The following RTN4RL2 variants were observed in gnomAD, a reference collection of about 807,000 sequenced individuals.
RTN4RL2 encodes reticulon-4 receptor-like 2.
RTN4RL2 carries 9 observed loss-of-function variants against 27.8 expected under a neutral mutation model. The observed-to-expected ratio is 0.32, with a 90% CI of 0.20 to 0.57. The LOEUF (loss-of-function observed/expected upper bound fraction) is 0.57, where lower values mean the gene tolerates loss of function less well. Among genes scored for constraint, RTN4RL2 ranks in the 20% least tolerant of loss-of-function variants. RTN4RL2 has a pLI of 0.90. For missense variants in RTN4RL2, 436 were observed against 596.8 expected, an observed-to-expected ratio of 0.73 and a Z score of 2.81; for synonymous variants, 285 against 297.9, an observed-to-expected ratio of 0.96 and a Z score of 0.45.
At chr11:57,468,545 A>T in intron 2 of RTN4RL2, 1 of 1,535,900 alleles carries the variant, frequency 6.5e-7, no homozygotes, top group South Asian at 1.2e-5. Flanking sequence ...CCTTCAGGGC[A>T]CTCTGCCTTC....
At chr11:57,468,328 C>T (rs1943541257) in intron 2 of RTN4RL2, among the ~76,000 whole-genome samples, 1 of 152,096 alleles carries the variant, frequency 6.6e-6, no homozygotes, top group South Asian at 2.1e-4. Flanking sequence ...CTCTCTCTCT[C>T]CCTCTAACTC....
At chr11:57,475,895 C>A (rs994601887) in intron 2 of RTN4RL2, among the ~76,000 whole-genome samples, 1 of 152,152 alleles carries the variant, frequency 6.6e-6, no homozygotes, top group Non-Finnish European at 1.5e-5. Context: ...GAAACTCTGC[C>A]CCCCGCCCCA....
At position 57,476,602 on chromosome 11, in the gene RTN4RL2, G is replaced by A. The variant is rs370242778; in HGVS notation, c.954G>A (p.Pro318=). 19 of 1,401,362 alleles carry A rather than the reference G, an allele frequency of 1.4e-5. 1 individual carries two copies. In the South Asian group the frequency reaches 2.5e-4, roughly 19 times the overall value. 86.8% of individuals were successfully genotyped at this position (1,401,362 alleles called of 1,614,324 possible). A position where few individuals can be genotyped will look rare whatever the true frequency, so the allele number is the denominator to read the frequency against. The change falls in exon 3 of 3, where the codon CCG becomes CCA. Residue 318 remains proline, a synonymous_variant. Coordinates refer to ENST00000335099, the MANE Select transcript of RTN4RL2 (RefSeq NM_178570.3). This position sits in a 1 kb window ranked among gnomAD's most constrained non-coding sequence, Gnocchi z 8.2. ...GTCCGCCCGCGGCACCCACGCGGCC[G>A]GGCAGCCGCGCCCGCGGCAACAGCT... is the stretch of plus-strand genomic sequence containing the variant. ...QACPPAAPTR[P]GSRARGNSSS...
chr11:57,464,476 G>A (rs540924777), intron 1 of RTN4RL2, among the ~76,000 whole-genome samples: 1 of 152,302 alleles, frequency 6.6e-6, no homozygotes, highest in Non-Finnish European at 1.5e-5. Flanking sequence ...AGGATTAAGG[G>A]ATCAGAGAAG....
Position 57,464,135 on chromosome 11 carries a change from A to T in RTN4RL2, c.31+3239A>T, listed in dbSNP as rs1205508536. Among the ~76,000 whole-genome samples, 4 of 152,028 alleles carry T rather than the reference A, an allele frequency of 2.6e-5. No homozygotes were observed. The East Asian group carries it at 5.8e-4, about 22-fold the overall frequency. On this transcript the variant is annotated intron_variant, in intron 1 of 2. Transcript: ENST00000335099. Reference sequence around the variant, plus strand: ...AGGGACCACTATCATGGGCTGGGGGAGGTGAGCCCTGGTTGGGGGAGACAT... The same window carrying T: ...AGGGACCACTATCATGGGCTGGGGGTGGTGAGCCCTGGTTGGGGGAGACAT...
chr11:57,465,054 G>A (rs1299784898), intron 1 of RTN4RL2, among the ~76,000 whole-genome samples: 2 of 152,144 alleles, frequency 1.3e-5, no homozygotes, highest in African/African-American at 4.8e-5. Context: ...CAGCACCGAC[G>A]CAGCGCCAGG....
rs747244939 is a variant in RTN4RL2 at position 57,476,769 on chromosome 11, A to G, written c.1121A>G (p.Tyr374Cys). 1.4e-6 allele frequency: 2 copies of G among 1,478,664 alleles called. No homozygotes were observed. The highest frequency in any genetic ancestry group is 8.9e-7 in the Non-Finnish European group (1 of 1,122,088). 91.6% of individuals were successfully genotyped at this position (1,478,664 alleles called of 1,614,324 possible). ...ACTGAGGACGACTACTGGGGGGGCT[A>G]CGGGGGTGAGGACCAGCGAGGGGAG... ...APTEDDYWGGYGGEDQRGEQM... is the reference protein window; with the variant it reads ...APTEDDYWGGCGGEDQRGEQM... The change falls in exon 3 of 3, where the codon TAC (tyrosine) becomes TGC (cysteine). Residue 374 changes from tyrosine to cysteine, a missense_variant. Physicochemically the swap from Tyr to Cys is radical, Grantham distance 194. This residue lies in a region of RTN4RL2 where 60 missense variants were observed against 43.0 expected (regional missense o/e 1.40). Coordinates refer to ENST00000335099, the MANE Select transcript of RTN4RL2 (RefSeq NM_178570.3). The surrounding 1 kb of genome is among the most constrained non-coding windows in gnomAD (Gnocchi z 8.2).
At chr11:57,464,814 G>C (rs1943509599) in intron 1 of RTN4RL2, among the ~76,000 whole-genome samples, 2 of 152,182 alleles carry the variant, frequency 1.3e-5, no homozygotes, top group African/African-American at 4.8e-5. Context: ...TCAGATGAGG[G>C]GTGAGAGACA....
intron 1 of RTN4RL2, among the ~76,000 whole-genome samples, chr11:57,466,249 C>T (rs577239887): frequency 6.6e-6 from 1 of 152,164 alleles, no homozygotes; most frequent in South Asian, 2.1e-4. Context: ...TCGTGATCCA[C>T]CCGCCTCAGA....
chr11:57,461,419 G>A (rs1312620693), intron 1 of RTN4RL2, among the ~76,000 whole-genome samples: 1 of 148,616 alleles, frequency 6.7e-6, no homozygotes, highest in African/African-American at 2.5e-5. Context: ...ACAGATAAGG[G>A]TGTGGGCCAG....
intron 1 of RTN4RL2, among the ~76,000 whole-genome samples, chr11:57,463,838 T>A (rs1386725913): frequency 6.6e-6 from 1 of 151,762 alleles, no homozygotes; most frequent in African/African-American, 2.4e-5. Flanking sequence ...AAGGCACAGC[T>A]CTCTAGTCCC....
At chr11:57,473,792 T>G (rs887967271) in intron 2 of RTN4RL2, among the ~76,000 whole-genome samples, 2 of 151,838 alleles carry the variant, frequency 1.3e-5, no homozygotes, top group Non-Finnish European at 2.9e-5. Context: ...GGGCAGGACT[T>G]TTTGCAGAGA....
rs895096066 is a variant in RTN4RL2 at position 57,467,247 on chromosome 11, G to T, written c.32-362G>T. Among the ~76,000 whole-genome samples the T allele has an allele frequency of 2.0e-5, 3 of 152,156 alleles. No homozygotes were observed. Among genetic ancestry groups the T allele is most frequent in the Non-Finnish European group, 2.9e-5 (2 of 68,036 alleles). On this transcript the variant is annotated intron_variant, in intron 1 of 2. Coordinates refer to ENST00000335099, the MANE Select transcript of RTN4RL2 (RefSeq NM_178570.3). This position sits in a 1 kb window ranked among gnomAD's most constrained non-coding sequence, Gnocchi z 5.5. ...TTCCCCTGAAACAGGGTCTTGTTGT[G>T]TTGCCCAGGCTGGAGTGCAAGGGTG... is the stretch of plus-strand genomic sequence containing the variant.
chr11:57,477,094 T>G lies in RTN4RL2; in HGVS notation c.*183T>G. 1 of 553,966 alleles carries G rather than the reference T, an allele frequency of 1.8e-6. No homozygotes were observed. The highest frequency in any genetic ancestry group is 3.0e-6 in the Non-Finnish European group (1 of 331,162). 34.3% of individuals were successfully genotyped at this position (553,966 alleles called of 1,614,324 possible). A position where few individuals can be genotyped will look rare whatever the true frequency, so the allele number is the denominator to read the frequency against. ...GCCTGCCCCCTGGGCTGTCCTGACTTGTGGCAGCCCCAAGAGGGCGTGTGT... is the reference window on the plus strand; with the variant it reads ...GCCTGCCCCCTGGGCTGTCCTGACTGGTGGCAGCCCCAAGAGGGCGTGTGT... On this transcript the variant is annotated 3_prime_UTR_variant, in exon 3 of 3. Coordinates refer to ENST00000335099, the MANE Select transcript of RTN4RL2 (RefSeq NM_178570.3).
chr11:57,460,718 G>C lies in RTN4RL2; in HGVS notation c.-148G>C. On this transcript the variant is annotated 5_prime_UTR_variant, in exon 1 of 3. Transcript: ENST00000335099. ...GAGGCCCGCAGCCCGGGCGGCGCAG[G>C]GTAGAGCGCCGCGGCCCGGCCACGC... 2.8e-6 allele frequency: 1 copy of C among 363,052 alleles called. No individual in the cohort carries two copies. The highest frequency in any genetic ancestry group is 4.2e-5 in the East Asian group (1 of 23,704). 22.5% of individuals were successfully genotyped at this position (363,052 alleles called of 1,614,324 possible). A position where few individuals can be genotyped will look rare whatever the true frequency, so the allele number is the denominator to read the frequency against.
intron 2 of RTN4RL2, among the ~76,000 whole-genome samples, chr11:57,474,130 A>T (rs981446929): frequency 5.3e-5 from 8 of 152,218 alleles, no homozygotes; most frequent in Admixed American, 3.9e-4. Flanking sequence ...GCACCAGGCC[A>T]TGGTGAGTCA....
In RTN4RL2 at chr11:57,476,592, C is replaced by A; in HGVS notation, c.944C>A (p.Pro315His). The change falls in exon 3 of 3, where the codon CCC (proline) becomes CAC (histidine). Residue 315 changes from proline (P) to histidine (H), a missense_variant. This residue lies in a region of RTN4RL2 where 365 missense variants were observed against 530.5 expected (regional missense o/e 0.69). Transcript: ENST00000335099. This position sits in a 1 kb window ranked among gnomAD's most constrained non-coding sequence, Gnocchi z 8.2. ...ADFQACPPAA[P>H]TRPGSRARGN... Reference sequence around the variant, plus strand: ...TTCCAGGCGTGTCCGCCCGCGGCACCCACGCGGCCGGGCAGCCGCGCCCGC... The same window carrying A: ...TTCCAGGCGTGTCCGCCCGCGGCACACACGCGGCCGGGCAGCCGCGCCCGC... 7.1e-7 allele frequency: 1 copy of A among 1,400,740 alleles called. No individual in the cohort carries two copies. 86.8% of individuals were successfully genotyped at this position (1,400,740 alleles called of 1,614,324 possible).
chr11:57,471,235 C>CA (rs1251713075), intron 2 of RTN4RL2, among the ~76,000 whole-genome samples: 1 of 79,470 alleles, frequency 1.3e-5, no homozygotes, highest in Non-Finnish European at 2.6e-5. Flanking sequence ...GACTCTGTCT[C>CA]AAAAAAGGAA....
chr11:57,469,441 G>C (rs939826824), intron 2 of RTN4RL2, among the ~76,000 whole-genome samples: 1 of 151,976 alleles, frequency 6.6e-6, no homozygotes, highest in Admixed American at 6.6e-5. Flanking sequence ...CCATTTACAA[G>C]CGTGTGACAT....
Sources: allele counts gnomAD v4.1 joint callset (sites outside exome capture counted in the v4.1 genomes callset), GRCh38; gene constraint gnomAD v4.1.1; regional missense constraint gnomAD v4.1.1; non-coding constraint Gnocchi (gnomAD v3.1); transcripts MANE v1.5; gene names NCBI Gene and HGNC (gene_info 2026-07-23, HGNC 2026-07-21).